Variants in SELENOT observed in about 807,000 individuals in gnomAD.
SELENOT encodes the protein thioredoxin reductase-like selenoprotein T.
In SELENOT, 9 loss-of-function variants were observed where a neutral mutation model predicts 24.3. That is an observed-to-expected ratio of 0.37 (90% CI 0.22 to 0.65). The LOEUF (loss-of-function observed/expected upper bound fraction) is 0.65, where lower values mean the gene tolerates loss of function less well. Ranked by LOEUF, SELENOT falls within the 30% of genes least tolerant of loss-of-function variation. SELENOT has a pLI of 0.60. For synonymous variants in SELENOT, 81 were observed against 86.0 expected, an observed-to-expected ratio of 0.94 and a Z score of 0.32; for missense variants, 166 against 247.6, an observed-to-expected ratio of 0.67 and a Z score of 2.21.
intron 3 of SELENOT, among the ~76,000 whole-genome samples, chr3:150,623,779 T>C (rs1050125353): frequency 4.5e-4 from 68 of 152,190 alleles, no homozygotes; most frequent in Admixed American, 4.0e-3. Context: ...TACTTTTAAG[T>C]AAAATATTTT....
intron 1 of SELENOT, among the ~76,000 whole-genome samples, chr3:150,620,277 A>G (rs926477735): frequency 6.6e-6 from 1 of 152,222 alleles, no homozygotes; most frequent in Admixed American, 6.5e-5. Context: ...CTATATCTTC[A>G]TCATGGAAAA....
At chr3:150,617,025 G>A (rs1726232779) in intron 1 of SELENOT, among the ~76,000 whole-genome samples, 1 of 152,242 alleles carries the variant, frequency 6.6e-6, no homozygotes, top group African/African-American at 2.4e-5. Flanking sequence ...GGAAGGATAG[G>A]TAGAAAGCAG....
At chr3:150,604,800 C>G (rs952337440) in intron 1 of SELENOT, among the ~76,000 whole-genome samples, 1 of 152,156 alleles carries the variant, frequency 6.6e-6, no homozygotes, top group Non-Finnish European at 1.5e-5. Flanking sequence ...ACTTTGGAGG[C>G]CGAGGCTAGC....
chr3:150,630,346 AAAG>A lies in SELENOT; in HGVS notation c.*2719_*2721del, dbSNP rs1726532322. Reference sequence around the variant, plus strand: ...GTATTCTAAAGCCTTTTTTTTAAAAAAAGAGATCTTTTTGAGAGAAACAAATGA... The same window carrying A: ...GTATTCTAAAGCCTTTTTTTTAAAAAAGATCTTTTTGAGAGAAACAAATGA... On this transcript the variant is annotated 3_prime_UTR_variant, in exon 6 of 6. Coordinates refer to ENST00000471696, the MANE Select transcript of SELENOT (RefSeq NM_016275.5). 6.6e-6 allele frequency: 1 copy of A among 152,194 alleles called. No individual in the cohort carries two copies. The highest frequency in any genetic ancestry group is 2.4e-5 in the African/African-American group (1 of 41,444). 9.4% of individuals were successfully genotyped at this position (152,194 alleles called of 1,614,324 possible).
chr3:150,611,709 G>A (rs1461465269), intron 1 of SELENOT: 4 of 1,594,156 alleles, frequency 2.5e-6, no homozygotes, highest in Non-Finnish European at 3.4e-6. Flanking sequence ...ACCATCCTCC[G>A]CAGGCAGCAC....
At chr3:150,616,871 G>A (rs1363779854) in intron 1 of SELENOT, among the ~76,000 whole-genome samples, 1 of 152,196 alleles carries the variant, frequency 6.6e-6, no homozygotes, top group Non-Finnish European at 1.5e-5. Flanking sequence ...AAACTCCTGA[G>A]CTCAAGCAAT....
At chr3:150,622,546 G>A in intron 2 of SELENOT, 51 bp downstream of exon 2, 1 of 921,216 alleles carries the variant, frequency 1.1e-6, no homozygotes, top group South Asian at 2.3e-5. Context: ...GACTTTATAA[G>A]TGTTTGTGAA....
rs961673570 is a variant in SELENOT, at chr3:150,629,865, ATATT to A, written c.*2241_*2244del. On this transcript the variant is annotated 3_prime_UTR_variant, in exon 6 of 6. Coordinates refer to ENST00000471696, the MANE Select transcript of SELENOT (RefSeq NM_016275.5). ...GTTTTGTTATATTCCCAGCATTTCA[ATATT>A]TATTAGTTACTTGTAAATTACTGTG... 1.3e-5 allele frequency: 2 copies of A among 152,656 alleles called. No homozygotes were observed. Among genetic ancestry groups the A allele is most frequent in the Non-Finnish European group, 2.9e-5 (2 of 68,044 alleles). 9.5% of individuals were successfully genotyped at this position (152,656 alleles called of 1,614,324 possible).
intron 1 of SELENOT, among the ~76,000 whole-genome samples, chr3:150,618,314 CGA>C (rs957010511): frequency 7.2e-5 from 11 of 152,048 alleles, no homozygotes; most frequent in African/African-American, 2.7e-4. Flanking sequence ...GTGAATCAAA[CGA>C]GAGAGTGAAT....
At chr3:150,616,894 T>C (rs986967611) in intron 1 of SELENOT, among the ~76,000 whole-genome samples, 10 of 152,346 alleles carry the variant, frequency 6.6e-5, no homozygotes, top group African/African-American at 2.4e-4. Context: ...ACCTCCTGCC[T>C]TGGCCTCCCA....
intron 1 of SELENOT, among the ~76,000 whole-genome samples, chr3:150,615,686 AAGGAAATAAAAG>A (rs1353386832): frequency 6.6e-6 from 1 of 152,198 alleles, no homozygotes; most frequent in Non-Finnish European, 1.5e-5. Flanking sequence ...ACCACTGCTC[AAGGAAATAAAAG>A]AGGATACAAA....
At chr3:150,626,811 A>G in intron 4 of SELENOT, 199 bp from the exon 5 acceptor site, 1 of 542,628 alleles carries the variant, frequency 1.8e-6, no homozygotes, top group East Asian at 3.0e-5. Flanking sequence ...TAAGTACACA[A>G]TTGTAATTTT....
intron 1 of SELENOT, chr3:150,611,720 A>G (rs1726096914): frequency 6.3e-7 from 1 of 1,579,810 alleles, no homozygotes; most frequent in Non-Finnish European, 8.6e-7. Context: ...CAGGCAGCAC[A>G]GTTGCCAGGA....
chr3:150,622,959 T>G, intron 2 of SELENOT, 84 bp from the exon 3 acceptor site: 1 of 1,258,892 alleles, frequency 7.9e-7, no homozygotes, highest in Non-Finnish European at 1.1e-6. Context: ...GTCTAGAAAA[T>G]CTTTACATAC....
At chr3:150,617,783 C>CA (rs77500541) in intron 1 of SELENOT, among the ~76,000 whole-genome samples, 56,147 of 150,500 alleles carry the variant, frequency 0.37, 10,595 homozygotes, top group East Asian at 0.49. Context: ...TAAAAAAAAA[C>CA]AAAAAAAAAC....
At chr3:150,612,083 A>T (rs981928300) in intron 1 of SELENOT, among the ~76,000 whole-genome samples, 3 of 150,990 alleles carry the variant, frequency 2.0e-5, no homozygotes, top group African/African-American at 7.3e-5. Context: ...GCTCACTGTT[A>T]CATGGGGTCT....
intron 4 of SELENOT, among the ~76,000 whole-genome samples, chr3:150,626,225 C>G (rs1726442370): frequency 6.6e-6 from 1 of 152,100 alleles, no homozygotes; most frequent in South Asian, 2.1e-4. Context: ...TGAGTGTTCC[C>G]AATTCATTAA....
chr3:150,611,390 G>T, intron 1 of SELENOT: 2 of 1,232,190 alleles, frequency 1.6e-6, no homozygotes, highest in Non-Finnish European at 2.4e-6. Context: ...ATCTCAACAA[G>T]TTGTGCTTTA....
intron 1 of SELENOT, among the ~76,000 whole-genome samples, chr3:150,612,992 T>C (rs1726129910): frequency 1.3e-5 from 2 of 152,244 alleles, no homozygotes; most frequent in Admixed American, 1.3e-4. Flanking sequence ...GTTAGAGTTC[T>C]TGGCACTATT....
Sources: gnomAD v4.1 joint callset for allele counts (sites outside exome capture counted in the v4.1 genomes callset) on GRCh38, gnomAD v4.1.1 for gene constraint, MANE v1.5 for transcripts, NCBI Gene and HGNC (gene_info 2026-07-23, HGNC 2026-07-21) for gene names.